MAF: variants seen among roughly 807,000 people sequenced by gnomAD.
The protein encoded by MAF is transcription factor Maf.
A neutral mutation model predicts 22.0 loss-of-function variants in MAF; 10 were observed. The observed-to-expected ratio is 0.45, with a 90% CI of 0.28 to 0.77. The LOEUF is 0.77. Ranked by LOEUF, MAF falls within the 30% of genes least tolerant of loss-of-function variation. The pLI is 0.12. For synonymous variants in MAF, 337 were observed against 255.8 expected (o/e 1.32, Z -3.03); for missense variants, 544 against 548.4 (o/e 0.99, Z 0.08).
chr16:79,327,398 T>C, the MAF span, among the ~76,000 whole-genome samples: 2 of 152,306 alleles, frequency 1.3e-5, no homozygotes, highest in Admixed American at 1.3e-4. Flanking sequence ...TTTTGCTCTT[T>C]GATGTACCTA....
At chr16:79,212,638 T>C in the MAF span, 86,585 of 153,516 alleles carry the variant, frequency 0.56, 25,209 homozygotes, top group Non-Finnish European at 0.61. Flanking sequence ...TCGCATCCTA[T>C]GCTTAATAAA....
chr16:79,355,837 C>A, the MAF span, among the ~76,000 whole-genome samples: 1 of 152,124 alleles, frequency 6.6e-6, no homozygotes, highest in African/African-American at 2.4e-5. Flanking sequence ...GGTCCTAAGT[C>A]TTCAGCATCC....
chr16:79,316,219 T>A, the MAF span, among the ~76,000 whole-genome samples: 1 of 152,364 alleles, frequency 6.6e-6, no homozygotes, highest in African/African-American at 2.4e-5. Flanking sequence ...ACTTTGAAGT[T>A]GCTGGTAACC....
At chr16:79,219,185 G>T in the MAF span, among the ~76,000 whole-genome samples, 2 of 152,164 alleles carry the variant, frequency 1.3e-5, no homozygotes, top group African/African-American at 4.8e-5. Flanking sequence ...TCAGATGAGG[G>T]AGGCTCTGTG....
At chr16:79,462,264 G>T in the MAF span, among the ~76,000 whole-genome samples, 1 of 152,178 alleles carries the variant, frequency 6.6e-6, no homozygotes, top group Non-Finnish European at 1.5e-5. Flanking sequence ...GTTCTATGAG[G>T]GAGGCACTTT....
chr16:79,440,465 C>G, the MAF span, among the ~76,000 whole-genome samples: 1 of 152,148 alleles, frequency 6.6e-6, no homozygotes, highest in African/African-American at 2.4e-5. Context: ...GGGACGGAGT[C>G]TCGTTTGGTC....
chr16:79,580,633 G>A, the MAF span, among the ~76,000 whole-genome samples: 1 of 152,136 alleles, frequency 6.6e-6, no homozygotes, highest in South Asian at 2.1e-4. Flanking sequence ...CTGGGCAGCT[G>A]AGTGGCCCCA....
At chr16:79,292,468 GA>G in the MAF span, among the ~76,000 whole-genome samples, 4 of 152,324 alleles carry the variant, frequency 2.6e-5, no homozygotes, top group East Asian at 5.8e-4. Flanking sequence ...CTAGAACTGA[GA>G]AAGAGTAAAT....
chr16:79,418,454 C>T, the MAF span, among the ~76,000 whole-genome samples: 1 of 151,994 alleles, frequency 6.6e-6, no homozygotes, highest in Non-Finnish European at 1.5e-5. Context: ...ATTTAGCAAA[C>T]CACAAAATTT....
chr16:79,507,417 T>C, the MAF span, among the ~76,000 whole-genome samples: 3 of 139,550 alleles, frequency 2.1e-5, no homozygotes, highest in Non-Finnish European at 3.1e-5. Context: ...AGCCCAGCCC[T>C]TGCATCTTAC....
At chr16:79,364,871 T>C in the MAF span, among the ~76,000 whole-genome samples, 7 of 152,236 alleles carry the variant, frequency 4.6e-5, no homozygotes, top group East Asian at 1.9e-4. Context: ...TGCTAAAAGA[T>C]AAACTTAGGC....
At chr16:79,366,596 G>C in the MAF span, among the ~76,000 whole-genome samples, 1 of 152,188 alleles carries the variant, frequency 6.6e-6, no homozygotes, top group Non-Finnish European at 1.5e-5. Flanking sequence ...TTTGATCAAG[G>C]AAACTTGAGC....
chr16:79,490,624 ACT>A, the MAF span, among the ~76,000 whole-genome samples: 113,030 of 151,684 alleles, frequency 0.75, 43,153 homozygotes, highest in Middle Eastern at 0.86. Flanking sequence ...AGACACACAC[ACT>A]CACACATGCA....
chr16:79,588,280 T>C (rs369205844), intron 1 of MAF, among the ~76,000 whole-genome samples: 31 of 152,292 alleles, frequency 2.0e-4, no homozygotes, highest in African/African-American at 7.5e-4. Context: ...CAAAGGGAGC[T>C]TACCTGCCTT....
At chr16:79,365,365 T>C in the MAF span, among the ~76,000 whole-genome samples, 3 of 152,220 alleles carry the variant, frequency 2.0e-5, no homozygotes, top group Admixed American at 1.3e-4. Flanking sequence ...GATGGCTGGA[T>C]TCCTGACTAG....
At chr16:79,587,871 G>GC (rs1912945469) in intron 1 of MAF, among the ~76,000 whole-genome samples, 1 of 45,278 alleles carries the variant, frequency 2.2e-5, no homozygotes, top group African/African-American at 1.2e-4. Flanking sequence ...CTTTCAAAAG[G>GC]GGGGGGGGGG....
the MAF span, among the ~76,000 whole-genome samples, chr16:79,207,237 T>G: frequency 6.6e-6 from 1 of 152,220 alleles, no homozygotes; most frequent in Non-Finnish European, 1.5e-5. Context: ...AGTCAATGGA[T>G]AAGGTGGCTG....
At chr16:79,234,745 G>A in the MAF span, among the ~76,000 whole-genome samples, 1 of 152,080 alleles carries the variant, frequency 6.6e-6, no homozygotes, top group Admixed American at 6.6e-5. Context: ...CCCAGCTGTG[G>A]ACCCAACACA....
the MAF span, among the ~76,000 whole-genome samples, chr16:79,293,040 A>G: frequency 2.6e-5 from 4 of 152,230 alleles, no homozygotes; most frequent in East Asian, 7.7e-4. Flanking sequence ...ATAACTATAA[A>G]TATACTCAAA....
Sources: allele counts gnomAD v4.1 joint callset (sites outside exome capture counted in the v4.1 genomes callset), GRCh38; gene constraint gnomAD v4.1.1; transcripts MANE v1.5; gene names NCBI Gene and HGNC (gene_info 2026-07-23, HGNC 2026-07-21).